The following COL28A1 variants were observed in gnomAD, a reference collection of about 807,000 sequenced individuals.
COL28A1 encodes collagen alpha-1(XXVIII) chain.
Under a neutral mutation model 150.2 loss-of-function variants are expected in COL28A1, and 161 were observed. The observed-to-expected ratio is 1.07, with a 90% CI of 0.94 to 1.22. The LOEUF (loss-of-function observed/expected upper bound fraction) is 1.22. COL28A1 is among the 50% of genes most tolerant of loss of function. The pLI is 0.00. For missense variants in COL28A1, 1,617 were observed against 1,388.3 expected (o/e 1.16, Z -2.62); for synonymous variants, 552 against 469.7 (o/e 1.18, Z -2.26).
intron 13 of COL28A1, 92 bp downstream of exon 13, chr7:7,489,297 G>A: frequency 2.6e-6 from 2 of 783,596 alleles, no homozygotes; most frequent in Non-Finnish European, 4.5e-6. Context: ...ATAGATACAA[G>A]GTGGATTAAT....
At chr7:7,377,807 CA>C (rs35530896) in intron 30 of COL28A1, among the ~76,000 whole-genome samples, 7,885 of 126,230 alleles carry the variant, frequency 0.062, 730 homozygotes, top group African/African-American at 0.22. Flanking sequence ...ATAATTCACG[CA>C]AAAAAAAAAA....
intron 15 of COL28A1, among the ~76,000 whole-genome samples, chr7:7,463,741 A>C (rs149407815): frequency 5.9e-5 from 9 of 152,186 alleles, no homozygotes; most frequent in African/African-American, 2.2e-4. Flanking sequence ...ATTTCACAGG[A>C]CCTATAAAAC....
At position 7,381,156 on chromosome 7, in the gene COL28A1, T is replaced by C. The variant is rs143557605; in HGVS notation, c.2206-294A>G. Among the ~76,000 whole-genome samples, 1,000 of 152,326 alleles carry C rather than the reference T, an allele frequency of 6.6e-3. 15 individuals are homozygous for C. Among genetic ancestry groups the C allele is most frequent in the African/African-American group, 0.023 (949 of 41,564 alleles). ...ATTATTACACAATTTACCGGGTACC[T>C]GAGTTATCTGGTATCTCCTACATGG... On this transcript the variant is annotated intron_variant, in intron 28 of 34. Coordinates refer to ENST00000399429, the MANE Select transcript of COL28A1 (RefSeq NM_001037763.3).
chr7:7,352,955 C>T (rs1185142507), downstream of COL28A1, among the ~76,000 whole-genome samples: 2 of 152,150 alleles, frequency 1.3e-5, no homozygotes, highest in African/African-American at 4.8e-5. Context: ...ATCTCGGGAC[C>T]TCCCCAAATT....
intron 13 of COL28A1, among the ~76,000 whole-genome samples, chr7:7,485,859 A>G (rs1269849404): frequency 6.6e-6 from 1 of 152,162 alleles, no homozygotes; most frequent in African/African-American, 2.4e-5. Flanking sequence ...CTGTACCTAT[A>G]TAATAAATCT....
At chr7:7,543,641 C>T in the COL28A1 span, among the ~76,000 whole-genome samples, 1 of 152,014 alleles carries the variant, frequency 6.6e-6, no homozygotes, top group African/African-American at 2.4e-5. Flanking sequence ...GGATTTCCAT[C>T]ATATAGTTGC....
At chr7:7,401,655 C>T (rs1316678935) in intron 27 of COL28A1, among the ~76,000 whole-genome samples, 14 of 152,086 alleles carry the variant, frequency 9.2e-5, no homozygotes. Context: ...ATCACTTCCA[C>T]CATCACCACC....
chr7:7,438,786 G>C (rs1303428401), intron 21 of COL28A1, among the ~76,000 whole-genome samples: 2 of 152,164 alleles, frequency 1.3e-5, no homozygotes, highest in African/African-American at 4.8e-5. Context: ...AAACAGTTTG[G>C]AAACTACTTC....
Position 7,515,824 on chromosome 7 carries a change from T to C in COL28A1, c.872A>G (p.Lys291Arg). The change falls in exon 8 of 35, where the codon AAG becomes AGG. Residue 291 changes from lysine to arginine, a missense_variant. By Grantham distance (26) the Lys-to-Arg change is conservative. Transcript: ENST00000399429. ...TTGTTACCAACTTACCTTGTCACCCTTGTACCCAGGAATTCCCTAATTTAA... is the reference window on the plus strand; with the variant it reads ...TTGTTACCAACTTACCTTGTCACCCCTGTACCCAGGAATTCCCTAATTTAA... ...ERGPGGIPGY[K>R]GDKGERGECG... is the part of the protein sequence containing the mutation. 1 of 1,070,458 alleles carries C rather than the reference T, an allele frequency of 9.3e-7. No individual in the cohort carries two copies. The allele number at this position is 1,070,458 out of a possible 1,614,324, so 66.3% of individuals were successfully genotyped here. A position where few individuals can be genotyped will look rare whatever the true frequency, so the allele number is the denominator to read the frequency against.
In COL28A1 at chr7:7,358,718, G is replaced by A. The variant is rs1356905435; in HGVS notation, c.3293C>T (p.Ala1098Val). Residue 1098 changes from alanine to valine, a missense_variant, in exon 35 of 35, where the codon GCC becomes GTC. Ala to Val is a moderately conservative substitution (Grantham distance 64). Coordinates refer to ENST00000399429, the MANE Select transcript of COL28A1 (RefSeq NM_001037763.3). ...WYYDKQVNSC[A>V]RFWFSGCNGS... ...ATTACAGCCACTGAACCAAAATCGG[G>A]CACAAGAGTTGACCTGTTTGTCATA... 1.9e-6 allele frequency: 3 copies of A among 1,613,942 alleles called. No homozygotes were observed. Among genetic ancestry groups the A allele is most frequent in the East Asian group, 2.2e-5 (1 of 44,866 alleles).
Position 7,482,811 on chromosome 7 carries a change from T to C in COL28A1, c.1165-5631A>G, listed in dbSNP as rs117839619. 6.2e-3 allele frequency among the ~76,000 whole-genome samples: 936 copies of C among 152,172 alleles called. 6 individuals carry two copies. Among genetic ancestry groups the C allele is most frequent in the Non-Finnish European group, 0.011 (721 of 67,994 alleles). On this transcript the variant is annotated intron_variant, in intron 13 of 34. Coordinates refer to ENST00000399429, the MANE Select transcript of COL28A1 (RefSeq NM_001037763.3). Reference sequence around the variant, plus strand: ...AAGAGTCCAAAGAAGATAAGAGAAATTGCAGGGTTCAAAAAGAGAGAATCA... The same window carrying C: ...AAGAGTCCAAAGAAGATAAGAGAAACTGCAGGGTTCAAAAAGAGAGAATCA...
rs1162861953 is a variant in COL28A1, at chr7:7,432,538, G to T, written c.1933C>A (p.Pro645Thr). Residue 645 changes from proline to threonine, a missense_variant, in exon 25 of 35, where the codon CCT (proline) becomes ACT (threonine). Transcript: ENST00000399429. Reference protein sequence around the residue: ...KGDGYPGVPGPRGLPGPPGPM... With the variant: ...KGDGYPGVPGTRGLPGPPGPM... ...CCAGGGGGTCCTGGTAATCCACGAG[G>T]TCCCTGAGATGACACAGTAAGGGAG... is the stretch of plus-strand genomic sequence containing the variant. The T allele has an allele frequency of 6.2e-7, 1 of 1,613,834 alleles. No homozygotes were observed. Among genetic ancestry groups the T allele is most frequent in the African/African-American group, 1.3e-5 (1 of 74,876 alleles).
At chr7:7,398,067 C>T (rs1270986781) in intron 27 of COL28A1, among the ~76,000 whole-genome samples, 5 of 152,114 alleles carry the variant, frequency 3.3e-5, no homozygotes, top group African/African-American at 9.7e-5. Flanking sequence ...TAGCTGAACA[C>T]AGGGTAGAAT....
intron 15 of COL28A1, among the ~76,000 whole-genome samples, chr7:7,465,146 C>A (rs1424837341): frequency 6.6e-6 from 1 of 150,948 alleles, no homozygotes; most frequent in Non-Finnish European, 1.5e-5. Flanking sequence ...CAGCTCCCAG[C>A]GTGAGCGACG....
chr7:7,388,225 A>AAC lies in COL28A1; in HGVS notation c.2137-6614_2137-6613insGT, dbSNP rs1442040005. ...CCCCTCCCTGTACCCATGTGTTCTC[A>AAC]TTTTTCAACTCCCAGTTATGAGTGA... is the stretch of plus-strand genomic sequence containing the variant. On this transcript the variant is annotated intron_variant, in intron 27 of 34. Transcript: ENST00000399429. Among the ~76,000 whole-genome samples, 104 of 148,400 alleles carry AAC rather than the reference A, an allele frequency of 7.0e-4. 1 individual carries two copies. The South Asian group carries it at 8.8e-3, about 13-fold the overall frequency.
At chr7:7,460,638 T>C (rs548557298) in intron 15 of COL28A1, among the ~76,000 whole-genome samples, 1 of 152,336 alleles carries the variant, frequency 6.6e-6, no homozygotes, top group East Asian at 1.9e-4. Flanking sequence ...CGCCTCAGCC[T>C]CCCAAAGTGC....
At chr7:7,450,079 A>C (rs1172092702) in intron 18 of COL28A1, among the ~76,000 whole-genome samples, 1 of 152,154 alleles carries the variant, frequency 6.6e-6, no homozygotes, top group African/African-American at 2.4e-5. Context: ...AGATATAAAT[A>C]GACAAATGGA....
the COL28A1 span, among the ~76,000 whole-genome samples, chr7:7,541,523 C>A: frequency 6.6e-6 from 1 of 152,172 alleles, no homozygotes; most frequent in South Asian, 2.1e-4. Context: ...ATGCCAAATA[C>A]TAACACAATT....
intron 33 of COL28A1, among the ~76,000 whole-genome samples, chr7:7,370,206 G>C (rs1255949499): frequency 6.6e-6 from 1 of 152,148 alleles, no homozygotes; most frequent in African/African-American, 2.4e-5. Context: ...TGCATATATA[G>C]CCTCCCTCAC....
Sources: gnomAD v4.1 joint callset for allele counts (sites outside exome capture counted in the v4.1 genomes callset) on GRCh38, gnomAD v4.1.1 for gene constraint, MANE v1.5 for transcripts, NCBI Gene and HGNC (gene_info 2026-07-23, HGNC 2026-07-21) for gene names.